The following DGKQ variants were observed in gnomAD, a reference collection of about 807,000 sequenced individuals.
DGKQ encodes diacylglycerol kinase theta.
A neutral mutation model predicts 104.2 loss-of-function variants in DGKQ; 97 were observed. The ratio of observed to expected loss-of-function variants is 0.93; its 90% confidence interval spans 0.79 to 1.10. The LOEUF (loss-of-function observed/expected upper bound fraction) is 1.10, where lower values mean the gene tolerates loss of function less well. Ranked by LOEUF, DGKQ falls within the 50% of genes least tolerant of loss-of-function variation. DGKQ has a pLI of 0.00. For missense variants in DGKQ, 1,465 were observed against 1,352.1 expected (o/e 1.08, Z -1.31); for synonymous variants, 736 against 595.2 (o/e 1.24, Z -3.44).
At chr4:968,759 TG>T in intron 3 of DGKQ, 51 bp downstream of exon 3, 3 of 1,535,534 alleles carry the variant, frequency 2.0e-6, no homozygotes, top group Non-Finnish European at 2.7e-6. Context: ...TGGGCCACCC[TG>T]GGCAGCAGAG....
chr4:968,032 G>T lies in DGKQ; in HGVS notation c.664-5C>A, dbSNP rs773817340. ...CGCGGAGCAGAGGGAGTGCGCCTGG[G>T]GGGAGAAGGGCCTGAGCTGGGGGGT... On this transcript the variant is annotated splice_region_variant and splice_polypyrimidine_tract_variant and intron_variant, in intron 5 of 22. Coordinates refer to ENST00000273814, the MANE Select transcript of DGKQ (RefSeq NM_001347.4). 2.8e-6 allele frequency: 4 copies of T among 1,424,856 alleles called. No homozygotes were observed. Among genetic ancestry groups the T allele is most frequent in the African/African-American group, 3.0e-5 (2 of 66,844 alleles). 88.3% of individuals were successfully genotyped at this position (1,424,856 alleles called of 1,614,324 possible).
At chr4:970,793 G>A (rs1176563578) in intron 2 of DGKQ, among the ~76,000 whole-genome samples, 200 bp downstream of exon 2, 2 of 152,146 alleles carry the variant, frequency 1.3e-5, no homozygotes, top group South Asian at 2.1e-4. Flanking sequence ...TTGCGACCTC[G>A]GGGACTGGCT....
intron 21 of DGKQ, 33 bp from the exon 22 acceptor site, chr4:961,234 G>T: frequency 6.7e-7 from 1 of 1,500,464 alleles, no homozygotes; most frequent in Non-Finnish European, 8.9e-7. Flanking sequence ...GGCTCAGCGG[G>T]GATCAGGGAC....
intron 15 of DGKQ, among the ~76,000 whole-genome samples, chr4:963,552 C>T (rs551628338): frequency 9.8e-5 from 15 of 152,370 alleles, no homozygotes; most frequent in African/African-American, 3.1e-4. Flanking sequence ...GGCCTCAGAC[C>T]TGCCCACTGA....
chr4:967,813 G>A lies in DGKQ; in HGVS notation c.812-11C>T, dbSNP rs143809228. The stretch of plus-strand genomic sequence containing the variant: ...CGTCGCCCCCCTCGCCTGCGGGTCG[G>A]GCACACGGACCCCTCATTCAGTGCG... On this transcript the variant is annotated splice_polypyrimidine_tract_variant and intron_variant, in intron 6 of 22. Coordinates refer to ENST00000273814, the MANE Select transcript of DGKQ (RefSeq NM_001347.4). 0.016 allele frequency: 25,116 copies of A among 1,588,544 alleles called. 239 individuals are homozygous for A. The highest frequency in any genetic ancestry group is 0.018 in the Non-Finnish European group (21,458 of 1,168,718).
At position 973,428 on chromosome 4, in the gene DGKQ, G is replaced by T; in HGVS notation, c.55C>A (p.Arg19Ser). 1 of 990,340 alleles carries T rather than the reference G, an allele frequency of 1.0e-6. No individual in the cohort carries two copies. The highest frequency in any genetic ancestry group is 1.2e-6 in the Non-Finnish European group (1 of 834,606). The allele number at this position is 990,340 out of a possible 1,614,324, so 61.3% of individuals were successfully genotyped here. A position where few individuals can be genotyped will look rare whatever the true frequency, so the allele number is the denominator to read the frequency against. ...GGGCTGCAGGCCGGGCTGCCGGGGC[G>T]CGGGGAGCCGCCGCCCAGCCAGGCG... ...ARAWLGGGSPRPGSPACSPVL... is the reference protein window; with the variant it reads ...ARAWLGGGSPSPGSPACSPVL... Residue 19 changes from arginine (R) to serine (S), a missense_variant, in exon 1 of 23, where the codon CGC becomes AGC. Transcript: ENST00000273814.
In DGKQ at chr4:967,074, G is replaced by C; in HGVS notation, c.1221-20C>G. ...CCCACCCTGTGGGGACACAGTCTGA[G>C]CTGGAGCTCCCCCCACCCCGCCCAG... On this transcript the variant is annotated intron_variant, in intron 9 of 22. Transcript: ENST00000273814. 2 of 1,546,048 alleles carry C rather than the reference G, an allele frequency of 1.3e-6. No homozygotes were observed.
Position 967,112 on chromosome 4 carries a change from C to T in DGKQ, c.1220+17G>A. On this transcript the variant is annotated intron_variant, in intron 9 of 22. Coordinates refer to ENST00000273814, the MANE Select transcript of DGKQ (RefSeq NM_001347.4). ...CCACCCCGCCCAGCAGACCCTGAGC[C>T]TCGGGCCCAGTCTCACTTGAGCCAG... is the stretch of plus-strand genomic sequence containing the variant. The T allele has an allele frequency of 6.4e-7, 1 of 1,563,616 alleles. No individual in the cohort carries two copies. Among genetic ancestry groups the T allele is most frequent in the Non-Finnish European group, 8.7e-7 (1 of 1,152,270 alleles).
chr4:968,948 G>T (rs752060074), intron 2 of DGKQ, 38 bp from the exon 3 acceptor site: 4 of 1,360,028 alleles, frequency 2.9e-6, no homozygotes, highest in Non-Finnish European at 2.0e-6. Flanking sequence ...CTTGGTAAGG[G>T]CAACAGGCTG....
chr4:967,245 A>C lies in DGKQ; in HGVS notation c.1104T>G (p.Ala368=), dbSNP rs1431084238. Residue 368 remains alanine (A), a synonymous_variant, in exon 9 of 23, where the codon GCT becomes GCG. Coordinates refer to ENST00000273814, the MANE Select transcript of DGKQ (RefSeq NM_001347.4). ...DAWAGGKAGS[A]VISEEGRSPG... is the part of the protein sequence containing the mutation. ...GGCTTCTGCCCTCCTCCGAGATCAC[A>C]GCACTCCCAGCCTTGCCCCCAGCCC... 2 of 1,565,364 alleles carry C rather than the reference A, an allele frequency of 1.3e-6. No individual in the cohort carries two copies. The highest frequency in any genetic ancestry group is 3.6e-5 in the Admixed American group (2 of 55,626).
chr4:968,048 G>A, intron 5 of DGKQ, 21 bp from the exon 6 acceptor site: 5 of 1,418,106 alleles, frequency 3.5e-6, no homozygotes, highest in Non-Finnish European at 4.6e-6. Flanking sequence ...AAGGGCCTGA[G>A]CTGGGGGGTT....
At chr4:960,896 G>C in intron 22 of DGKQ, 153 bp downstream of exon 22, 1 of 985,346 alleles carries the variant, frequency 1.0e-6, no homozygotes. Flanking sequence ...CCTGGCCACT[G>C]GCACAGCCCT....
Position 973,524 on chromosome 4 carries a change from G to C in DGKQ, c.-42C>G. ...CCGAGCCCCTTTAGGTCCGCGCCGGGGGTACAGGAGCCGCCGCTCCACGGC... is the reference window on the plus strand; with the variant it reads ...CCGAGCCCCTTTAGGTCCGCGCCGGCGGTACAGGAGCCGCCGCTCCACGGC... On this transcript the variant is annotated 5_prime_UTR_variant, in exon 1 of 23. Transcript: ENST00000273814. 1.0e-6 allele frequency: 1 copy of C among 987,272 alleles called. No individual in the cohort carries two copies. The highest frequency in any genetic ancestry group is 1.1e-4 in the East Asian group (1 of 9,062). The allele number at this position is 987,272 out of a possible 1,614,324, so 61.2% of individuals were successfully genotyped here. A position where few individuals can be genotyped will look rare whatever the true frequency, so the allele number is the denominator to read the frequency against.
intron 15 of DGKQ, chr4:964,231 G>A (rs1712114920): frequency 6.5e-6 from 1 of 154,432 alleles, no homozygotes; most frequent in Non-Finnish European, 1.5e-5. Context: ...CGGGTGTAGG[G>A]GCACAGGAGG....
chr4:961,684 G>A lies in DGKQ; in HGVS notation c.2462+4C>T, dbSNP rs770567816. The A allele has an allele frequency of 6.2e-7, 1 of 1,612,468 alleles. No homozygotes were observed. The highest frequency in any genetic ancestry group is 1.1e-5 in the South Asian group (1 of 91,084). ...AGCCTCTGGGGAGCCCCGCCCGCGA[G>A]CACCTGGGGATGTTGATGAAGATGA... On this transcript the variant is annotated splice_donor_region_variant and intron_variant, in intron 20 of 22. Coordinates refer to ENST00000273814, the MANE Select transcript of DGKQ (RefSeq NM_001347.4).
chr4:972,538 GTCCCTCGCTCCC>G lies in DGKQ; in HGVS notation c.271+662_271+673del, dbSNP rs1560522676. Among the ~76,000 whole-genome samples, 528 of 149,272 alleles carry G rather than the reference GTCCCTCGCTCCC, an allele frequency of 3.5e-3. 35 individuals carry two copies. In the South Asian group the frequency reaches 0.095, roughly 27 times the overall value. ...GTCAAACGTCCAGAACTCCGGTCCT[GTCCCTCGCTCCC>G]TCCAGAGGCTGGGCTGTGGTCCCCC... is the stretch of plus-strand genomic sequence containing the variant. On this transcript the variant is annotated intron_variant, in intron 1 of 22. Transcript: ENST00000273814.
In DGKQ at chr4:962,421, G is replaced by A. The variant is rs766796199; in HGVS notation, c.2214+14C>T. 15 of 1,549,252 alleles carry A rather than the reference G, an allele frequency of 9.7e-6. No homozygotes were observed. The highest frequency in any genetic ancestry group is 1.2e-5 in the South Asian group (1 of 85,698). On this transcript the variant is annotated intron_variant, in intron 18 of 22. Coordinates refer to ENST00000273814, the MANE Select transcript of DGKQ (RefSeq NM_001347.4). ...AGGAGCCTGGAAGGCACCCCACGCC[G>A]GGCTGCCCTGTACCTTGGGGGGCTC...
intron 5 of DGKQ, 80 bp from the exon 6 acceptor site, chr4:968,107 C>A: frequency 8.8e-7 from 1 of 1,135,824 alleles, no homozygotes; most frequent in Non-Finnish European, 1.2e-6. Flanking sequence ...GGGAAAGACC[C>A]CACACGACGC....
chr4:973,428 G>A lies in DGKQ; in HGVS notation c.55C>T (p.Arg19Cys), dbSNP rs1713102084. 1.4e-5 allele frequency: 14 copies of A among 990,232 alleles called. No individual in the cohort carries two copies. The highest frequency in any genetic ancestry group is 1.6e-5 in the Non-Finnish European group (13 of 834,616). 61.3% of individuals were successfully genotyped at this position (990,232 alleles called of 1,614,324 possible). A position where few individuals can be genotyped will look rare whatever the true frequency, so the allele number is the denominator to read the frequency against. The part of the protein sequence containing the change: ...ARAWLGGGSP[R>C]PGSPACSPVL... ...GGGCTGCAGGCCGGGCTGCCGGGGC[G>A]CGGGGAGCCGCCGCCCAGCCAGGCG... Residue 19 changes from arginine to cysteine, a missense_variant, in exon 1 of 23, where the codon CGC becomes TGC. Transcript: ENST00000273814.
Sources: gnomAD v4.1 joint callset for allele counts (sites outside exome capture counted in the v4.1 genomes callset) on GRCh38, gnomAD v4.1.1 for gene constraint, MANE v1.5 for transcripts, NCBI Gene and HGNC (gene_info 2026-07-23, HGNC 2026-07-21) for gene names.